The following MTMR7 variants were observed in gnomAD, a reference collection of about 807,000 sequenced individuals.
MTMR7 encodes the protein myotubularin related protein 7, also known as phosphatidylinositol-3-phosphate phosphatase MTMR7.
Under a neutral mutation model 81.2 loss-of-function variants are expected in MTMR7, and 76 were observed. The observed-to-expected ratio is 0.94, with a 90% CI of 0.78 to 1.13. The LOEUF (loss-of-function observed/expected upper bound fraction) is 1.13, where lower values mean the gene tolerates loss of function less well. Among genes scored for constraint, MTMR7 ranks in the 50% most tolerant of loss-of-function variants. MTMR7 has a pLI of 0.00. For synonymous variants in MTMR7, 372 were observed against 289.8 expected, an observed-to-expected ratio of 1.28 and a Z score of -2.88; for missense variants, 1,044 against 820.0, an observed-to-expected ratio of 1.27 and a Z score of -3.34.
intron 1 of MTMR7, among the ~76,000 whole-genome samples, chr8:17,393,708 G>A (rs185669899): frequency 1.9e-4 from 29 of 152,222 alleles, no homozygotes; most frequent in Non-Finnish European, 3.7e-4. Context: ...GAGGGGTTGC[G>A]AGGGGAGGGA....
At chr8:17,396,950 G>C (rs975233057) in intron 1 of MTMR7, among the ~76,000 whole-genome samples, 2 of 151,936 alleles carry the variant, frequency 1.3e-5, no homozygotes, top group African/African-American at 4.8e-5. Context: ...GCTCCCAGAT[G>C]ACATTTCTAG....
intron 1 of MTMR7, among the ~76,000 whole-genome samples, chr8:17,395,150 A>G (rs1298914840): frequency 6.6e-6 from 1 of 152,190 alleles, no homozygotes; most frequent in Non-Finnish European, 1.5e-5. Flanking sequence ...TACCTCATGT[A>G]AGTGGAATCA....
chr8:17,309,268 AT>A lies in MTMR7; in HGVS notation c.1151+8del. 1 of 1,503,930 alleles carries A rather than the reference AT, an allele frequency of 6.6e-7. No individual in the cohort carries two copies. The highest frequency in any genetic ancestry group is 9.2e-7 in the Non-Finnish European group (1 of 1,081,990). The allele number at this position is 1,503,930 out of a possible 1,614,324, so 93.2% of individuals were successfully genotyped here. A position where few individuals can be genotyped will look rare whatever the true frequency, so the allele number is the denominator to read the frequency against. On this transcript the variant is annotated splice_region_variant and intron_variant, in intron 10 of 13. Transcript: ENST00000180173. ...CTAAACATTCAAAACAGTCTTAAAT[AT>A]TACTTACCGGTGATTAAACTTATGA...
intron 1 of MTMR7, among the ~76,000 whole-genome samples, chr8:17,384,152 C>A (rs1427358742): frequency 2.6e-5 from 4 of 152,078 alleles, no homozygotes; most frequent in Admixed American, 2.6e-4. Flanking sequence ...GGCTCATACC[C>A]ATAATCCCAG....
At chr8:17,371,425 G>C (rs1250906188) in intron 2 of MTMR7, among the ~76,000 whole-genome samples, 3 of 152,150 alleles carry the variant, frequency 2.0e-5, no homozygotes, top group Non-Finnish European at 4.4e-5. Context: ...ATCCAGGACA[G>C]TTATTTTGAA....
At chr8:17,400,344 T>G (rs78720568) in intron 1 of MTMR7, among the ~76,000 whole-genome samples, 3 of 152,244 alleles carry the variant, frequency 2.0e-5, no homozygotes, top group Non-Finnish European at 4.4e-5. Flanking sequence ...AAACTAAAGT[T>G]AAATAAGTTA....
intron 1 of MTMR7, among the ~76,000 whole-genome samples, chr8:17,404,703 G>A (rs763478949): frequency 1.3e-5 from 2 of 152,118 alleles, no homozygotes; most frequent in African/African-American, 2.4e-5. Context: ...ATATAGAAAT[G>A]AAACCAGAAA....
chr8:17,394,845 C>T (rs13262900), intron 1 of MTMR7, among the ~76,000 whole-genome samples: 41,911 of 151,890 alleles, frequency 0.28, 6,991 homozygotes, highest in Non-Finnish European at 0.39. Flanking sequence ...TTAGTTCATT[C>T]GACAAATTCA....
At chr8:17,361,944 G>C (rs1229974969) in intron 3 of MTMR7, among the ~76,000 whole-genome samples, 1 of 152,116 alleles carries the variant, frequency 6.6e-6, no homozygotes, top group South Asian at 2.1e-4. Flanking sequence ...TTTCAATCCT[G>C]TCGTGTTATC....
intron 7 of MTMR7, among the ~76,000 whole-genome samples, chr8:17,329,123 A>G (rs2898464): frequency 0.34 from 51,085 of 152,086 alleles, 10,334 homozygotes; most frequent in African/African-American, 0.55. Flanking sequence ...AATAATAATC[A>G]TGAATGAAAC....
chr8:17,345,881 T>C (rs1409114540), intron 5 of MTMR7: 1 of 152,222 alleles, frequency 6.6e-6, no homozygotes, highest in Non-Finnish European at 1.5e-5. Flanking sequence ...AACAGTATTT[T>C]CACTATAAAA....
chr8:17,309,168 G>C, intron 10 of MTMR7, 109 bp downstream of exon 10: 2 of 731,898 alleles, frequency 2.7e-6, no homozygotes, highest in Non-Finnish European at 4.7e-6. Context: ...TTCTGAATAA[G>C]AGACACAAAC....
At chr8:17,410,315 A>C (rs1821703610) in intron 1 of MTMR7, among the ~76,000 whole-genome samples, 1 of 152,204 alleles carries the variant, frequency 6.6e-6, no homozygotes, top group Non-Finnish European at 1.5e-5. Flanking sequence ...ATAAAGTAGA[A>C]ATCACTTACC....
intron 7 of MTMR7, among the ~76,000 whole-genome samples, chr8:17,324,887 A>G (rs1487672050): frequency 6.6e-6 from 1 of 152,208 alleles, no homozygotes; most frequent in Non-Finnish European, 1.5e-5. Flanking sequence ...AACTGAGACT[A>G]CAGAAAGCTG....
chr8:17,361,497 T>C (rs1458276742), intron 3 of MTMR7, among the ~76,000 whole-genome samples: 1 of 152,244 alleles, frequency 6.6e-6, no homozygotes, highest in Non-Finnish European at 1.5e-5. Flanking sequence ...TGGCAGTACC[T>C]TCTTTCCTTT....
chr8:17,300,547 G>A lies in MTMR7; in HGVS notation c.1621-323C>T, dbSNP rs372917714. Among the ~76,000 whole-genome samples, 12 of 152,210 alleles carry A rather than the reference G, an allele frequency of 7.9e-5. 1 individual carries two copies. In the East Asian group the frequency reaches 2.1e-3, roughly 27 times the overall value. On this transcript the variant is annotated intron_variant, in intron 13 of 13. Coordinates refer to ENST00000180173, the MANE Select transcript of MTMR7 (RefSeq NM_004686.5). ...TTTCAAATGATGAGTCTCATCCCAT[G>A]AACTCAAAAAACATTTTTTAGAAAT...
chr8:17,348,861 C>T (rs1222645653), intron 5 of MTMR7, 92 bp downstream of exon 5: 5 of 1,464,924 alleles, frequency 3.4e-6, no homozygotes, highest in Non-Finnish European at 3.8e-6. Flanking sequence ...TTCAAACACA[C>T]ACACACGCAC....
intron 4 of MTMR7, among the ~76,000 whole-genome samples, chr8:17,354,497 A>G (rs556435778): frequency 1.6e-4 from 24 of 152,346 alleles, no homozygotes; most frequent in African/African-American, 5.8e-4. Flanking sequence ...CAAGTGTCTT[A>G]TAAATAGCGA....
intron 1 of MTMR7, among the ~76,000 whole-genome samples, chr8:17,411,758 G>C (rs1032227267): frequency 8.5e-5 from 13 of 152,150 alleles, no homozygotes; most frequent in African/African-American, 2.9e-4. Flanking sequence ...AGGTTCACAC[G>C]TGACTTTGTA....
Sources: gnomAD v4.1 joint callset for allele counts (sites outside exome capture counted in the v4.1 genomes callset) on GRCh38, gnomAD v4.1.1 for gene constraint, MANE v1.5 for transcripts, NCBI Gene and HGNC (gene_info 2026-07-23, HGNC 2026-07-21) for gene names.